DHRSX: variants seen among roughly 807,000 people sequenced by gnomAD.
DHRSX encodes the protein polyprenol dehydrogenase.
Under a neutral mutation model 34.0 loss-of-function variants are expected in DHRSX, and 31 were observed. That is an observed-to-expected ratio of 0.91 (90% confidence interval 0.69 to 1.23). The LOEUF is 1.23. Ranked by LOEUF, DHRSX falls within the 50% of genes most tolerant of loss-of-function variation. The pLI is 0.00. For synonymous variants in DHRSX, 201 were observed against 183.8 expected (o/e 1.09, Z -0.76); for missense variants, 414 against 428.1 (o/e 0.97, Z 0.29).
At chrX:2,398,049 T>TCTCACACACATAG (rs2043436729) in intron 3 of DHRSX, among the ~76,000 whole-genome samples, 4 of 151,806 alleles carry the variant, frequency 2.6e-5, no homozygotes, top group East Asian at 3.9e-4. Context: ...AACAGGCTGA[T>TCTCACACACATAG]ATATTCAGGG....
chrX:2,297,279 C>T (rs2041945913), intron 3 of DHRSX, among the ~76,000 whole-genome samples: 3 of 152,186 alleles, frequency 2.0e-5, no homozygotes, highest in South Asian at 4.1e-4. Flanking sequence ...CGCAGCACCA[C>T]GCCTGGCTAC....
chrX:2,267,103 T>C (rs1244919432), intron 4 of DHRSX, 156 bp from the exon 5 acceptor site: 1 of 191,688 alleles, frequency 5.2e-6, no homozygotes, highest in Non-Finnish European at 9.6e-6. Context: ...GTTTCCTGCT[T>C]TAGGTGTGAT....
chrX:2,486,355 C>T (rs1423137171), intron 1 of DHRSX: 1 of 152,120 alleles, frequency 6.6e-6, no homozygotes, highest in Non-Finnish European at 1.5e-5. Flanking sequence ...TGATAAACCT[C>T]CCTCCACTCC....
chrX:2,286,494 C>T (rs1014697715), intron 4 of DHRSX, among the ~76,000 whole-genome samples: 7 of 152,148 alleles, frequency 4.6e-5, no homozygotes, highest in African/African-American at 1.7e-4. Flanking sequence ...CCTCGGGAGG[C>T]CCCTTTCCAA....
chrX:2,276,050 G>A (rs1170265289), intron 4 of DHRSX, among the ~76,000 whole-genome samples: 3 of 152,018 alleles, frequency 2.0e-5, no homozygotes, highest in Non-Finnish European at 4.4e-5. Context: ...CACCGTGTTG[G>A]CCAGGATGGT....
At chrX:2,276,335 T>C (rs2041646408) in intron 4 of DHRSX, among the ~76,000 whole-genome samples, 1 of 152,160 alleles carries the variant, frequency 6.6e-6, no homozygotes, top group African/African-American at 2.4e-5. Context: ...CCGTCCACGT[T>C]AGGAGCATTC....
intron 3 of DHRSX, among the ~76,000 whole-genome samples, chrX:2,362,697 G>A (rs1413941972): frequency 6.6e-6 from 1 of 152,120 alleles, no homozygotes; most frequent in Non-Finnish European, 1.5e-5. Context: ...TCCCATTTCT[G>A]GGTGTCTAAT....
At chrX:2,282,867 G>C (rs867889788) in intron 4 of DHRSX, among the ~76,000 whole-genome samples, 1 of 140,516 alleles carries the variant, frequency 7.1e-6, no homozygotes, top group Admixed American at 7.0e-5. Context: ...GAAGGGGAGA[G>C]AGAGGGGGAG....
chrX:2,410,840 G>C (rs1346574621), intron 2 of DHRSX, among the ~76,000 whole-genome samples: 7 of 152,156 alleles, frequency 4.6e-5, no homozygotes. Context: ...AGAGTAAATG[G>C]AATATCTAAA....
chrX:2,266,260 T>C (rs946580406), intron 5 of DHRSX, among the ~76,000 whole-genome samples: 24 of 134,240 alleles, frequency 1.8e-4, no homozygotes, highest in African/African-American at 5.3e-4. Flanking sequence ...CAGGGAGCAC[T>C]GTCCTCAGAG....
rs1255260787 is a variant in DHRSX, at chrX:2,425,206, C to T, written c.208G>A (p.Val70Ile). 1.2e-6 allele frequency: 2 copies of T among 1,612,102 alleles called. No individual in the cohort carries two copies. The highest frequency in any genetic ancestry group is 1.3e-5 in the African/African-American group (1 of 74,828). ...AKHLARLGMH[V>I]IIAGNNDSKA... Reference sequence around the variant, plus strand: ...CTGTAAAAGTCATCACCTATGATAACATGCATGCCAAGTCTCGCCAGATGC... The same window carrying T: ...CTGTAAAAGTCATCACCTATGATAATATGCATGCCAAGTCTCGCCAGATGC... Residue 70 changes from valine to isoleucine, a missense_variant, in exon 2 of 7, where the codon GTT (valine) becomes ATT (isoleucine). Val to Ile is a conservative substitution (Grantham distance 29). Coordinates refer to ENST00000334651, the MANE Select transcript of DHRSX (RefSeq NM_145177.3).
intron 3 of DHRSX, among the ~76,000 whole-genome samples, chrX:2,338,458 G>A (rs1169464696): frequency 2.0e-5 from 3 of 151,898 alleles, no homozygotes; most frequent in Non-Finnish European, 4.4e-5. Context: ...CCCAAACTCA[G>A]GTTAAAATGT....
At chrX:2,411,050 C>G (rs1393392417) in intron 2 of DHRSX, among the ~76,000 whole-genome samples, 1 of 151,994 alleles carries the variant, frequency 6.6e-6, no homozygotes, top group Non-Finnish European at 1.5e-5. Flanking sequence ...AAGAAATAGC[C>G]TGAAAGGTAT....
chrX:2,429,029 C>G (rs759004042), intron 1 of DHRSX, among the ~76,000 whole-genome samples: 1 of 152,094 alleles, frequency 6.6e-6, no homozygotes, highest in African/African-American at 2.4e-5. Context: ...TCTTGATACA[C>G]GCATGAATCG....
intron 6 of DHRSX, among the ~76,000 whole-genome samples, chrX:2,229,986 CAT>C (rs1174138301): frequency 1.9e-4 from 29 of 152,238 alleles, no homozygotes; most frequent in Admixed American, 9.2e-4. Flanking sequence ...TAAATGTGTG[CAT>C]GTGTGTTTGC....
intron 4 of DHRSX, among the ~76,000 whole-genome samples, chrX:2,268,100 T>C (rs1382000563): frequency 6.6e-6 from 1 of 152,190 alleles, no homozygotes; most frequent in Non-Finnish European, 1.5e-5. Flanking sequence ...TCGGTCATCA[T>C]TCTATAGACA....
intron 3 of DHRSX, among the ~76,000 whole-genome samples, chrX:2,399,962 G>A (rs1419417855): frequency 1.3e-5 from 2 of 151,938 alleles, no homozygotes; most frequent in African/African-American, 4.8e-5. Context: ...TTCCTACTGA[G>A]GAGTTTGAGG....
intron 5 of DHRSX, among the ~76,000 whole-genome samples, chrX:2,243,631 T>C (rs71207527): frequency 0.23 from 34,797 of 151,066 alleles, 4,654 homozygotes; most frequent in African/African-American, 0.33. Flanking sequence ...GGACTACAGG[T>C]GCCCGCCACC....
intron 1 of DHRSX, among the ~76,000 whole-genome samples, chrX:2,472,856 T>C (rs28635211): frequency 0.21 from 31,283 of 151,844 alleles, 4,304 homozygotes; most frequent in African/African-American, 0.39. Context: ...AATGTTAGGG[T>C]AGTGTCTTAG....
Sources: gnomAD v4.1 joint callset for allele counts (sites outside exome capture counted in the v4.1 genomes callset) on GRCh38, gnomAD v4.1.1 for gene constraint, MANE v1.5 for transcripts, NCBI Gene and HGNC (gene_info 2026-07-23, HGNC 2026-07-21) for gene names.